Variants in TLN2 observed in about 807,000 individuals in gnomAD.
TLN2 encodes the protein talin 2.
Under a neutral mutation model 294.7 loss-of-function variants are expected in TLN2, and 118 were observed. The ratio of observed to expected loss-of-function variants is 0.40; its 90% confidence interval spans 0.34 to 0.47. The LOEUF (loss-of-function observed/expected upper bound fraction) is 0.47. Ranked by LOEUF, TLN2 falls within the 20% of genes least tolerant of loss-of-function variation. The pLI, the probability that TLN2 is intolerant of heterozygous loss-of-function variation, is 0.84. For missense variants in TLN2, 3,083 were observed against 3,282.2 expected, an observed-to-expected ratio of 0.94 and a Z score of 1.48; for synonymous variants, 1,431 against 1,304.5, an observed-to-expected ratio of 1.10 and a Z score of -2.09.
At chr15:62,682,842 C>T (rs8038849) in intron 11 of TLN2, 142,945 of 152,096 alleles carry the variant, frequency 0.94, 67,718 homozygotes, top group Non-Finnish European at 1. Context: ...CCTTTGAAAA[C>T]TTTTTGCAGA....
At chr15:62,758,382 T>C (rs1036148269) in intron 37 of TLN2, among the ~76,000 whole-genome samples, 2 of 152,200 alleles carry the variant, frequency 1.3e-5, no homozygotes, top group Admixed American at 6.5e-5. Context: ...TCTCTCCGAG[T>C]CACCACATAC....
At chr15:62,508,739 G>C (rs1293575119) in intron 1 of TLN2, among the ~76,000 whole-genome samples, 1 of 152,140 alleles carries the variant, frequency 6.6e-6, no homozygotes, top group Non-Finnish European at 1.5e-5. Context: ...GCCAAACTTT[G>C]AGTTGAATTT....
At chr15:62,826,297 A>C (rs753072431) in intron 54 of TLN2, among the ~76,000 whole-genome samples, 4 of 152,206 alleles carry the variant, frequency 2.6e-5, no homozygotes, top group Non-Finnish European at 5.9e-5. Flanking sequence ...ATACTATGGG[A>C]AAACTACTCC....
chr15:62,600,246 A>G (rs1048913387), intron 2 of TLN2, among the ~76,000 whole-genome samples: 16 of 152,328 alleles, frequency 1.1e-4, no homozygotes, highest in African/African-American at 3.6e-4. Flanking sequence ...TTGTGCAGCG[A>G]CTTGGGCTCT....
At chr15:62,647,547 G>A (rs2052029788) in intron 4 of TLN2, 101 bp downstream of exon 4, 1 of 1,489,530 alleles carries the variant, frequency 6.7e-7, no homozygotes, top group Non-Finnish European at 9.2e-7. Context: ...AAGCCTATTA[G>A]TGCATATGTT....
rs185827675 is a variant in TLN2, at chr15:62,732,801, G to A, written c.3359-4077G>A. On this transcript the variant is annotated intron_variant, in intron 28 of 58. Transcript: ENST00000636159. ...TAACATGAACGGTTCCAAGTGTTTG[G>A]CCTTATAGCTGAGTGAAGAGTTGTA... 3.9e-5 allele frequency among the ~76,000 whole-genome samples: 6 copies of A among 152,298 alleles called. No individual in the cohort carries two copies. In the East Asian group the frequency reaches 1.2e-3, roughly 29 times the overall value.
In TLN2 at chr15:62,433,791, C is replaced by T. The variant is rs373752928; in HGVS notation, c.-238+43106C>T. 3.3e-5 allele frequency among the ~76,000 whole-genome samples: 5 copies of T among 152,194 alleles called. No individual in the cohort carries two copies. In the East Asian group the frequency reaches 9.7e-4, roughly 29 times the overall value. On this transcript the variant is annotated intron_variant, in intron 1 of 58. Coordinates refer to ENST00000636159, the MANE Select transcript of TLN2 (RefSeq NM_015059.3). ...ATCACTTGAGATCAGGAGTTCAAGA[C>T]CAGCCTGGCCAACGTGGTGAAACCC... is the stretch of plus-strand genomic sequence containing the variant.
chr15:62,568,376 C>T (rs1281231893), intron 1 of TLN2, among the ~76,000 whole-genome samples: 8 of 152,182 alleles, frequency 5.3e-5, no homozygotes. Flanking sequence ...TCATTTTCTT[C>T]AGGAGGGTGC....
chr15:62,448,230 C>T (rs956485252), intron 1 of TLN2, among the ~76,000 whole-genome samples: 1 of 152,234 alleles, frequency 6.6e-6, no homozygotes, highest in African/African-American at 2.4e-5. Context: ...CTATCCGCTG[C>T]AGTCCACAGC....
intron 1 of TLN2, among the ~76,000 whole-genome samples, chr15:62,569,747 G>A (rs879925874): frequency 9.2e-5 from 14 of 152,222 alleles, no homozygotes; most frequent in Non-Finnish European, 1.9e-4. Flanking sequence ...TGATCGTGTA[G>A]GATAGGCACG....
At position 62,643,925 on chromosome 15, in the gene TLN2, A is replaced by G. The variant is rs906441568; in HGVS notation, c.-36-3350A>G. ...CTGTCCTGGGACTGTCTCTAGGACT[A>G]TAATAAGGTGGAAACCATGTCTATG... On this transcript the variant is annotated intron_variant, in intron 3 of 58. Transcript: ENST00000636159. Among the ~76,000 whole-genome samples the G allele has an allele frequency of 7.9e-5, 12 of 152,264 alleles. No individual in the cohort carries two copies. In the East Asian group the frequency reaches 1.9e-3, roughly 25 times the overall value.
At chr15:62,497,200 G>A (rs1053685082) in intron 1 of TLN2, among the ~76,000 whole-genome samples, 1 of 152,188 alleles carries the variant, frequency 6.6e-6, no homozygotes, top group Non-Finnish European at 1.5e-5. Context: ...TTCGCTGAGG[G>A]AGTGGATGAA....
chr15:62,594,621 T>G (rs531441199), intron 2 of TLN2, among the ~76,000 whole-genome samples: 1 of 152,198 alleles, frequency 6.6e-6, no homozygotes, highest in South Asian at 2.1e-4. Flanking sequence ...AAAAATGAAA[T>G]TAGACCATAT....
At chr15:62,816,334 T>G (rs7175349) in intron 52 of TLN2, among the ~76,000 whole-genome samples, 14,613 of 152,308 alleles carry the variant, frequency 0.096, 2,267 homozygotes, top group African/African-American at 0.33. Flanking sequence ...CCTCTGCAAC[T>G]ATCACAGTTC....
rs933032025 is a variant in TLN2, at chr15:62,761,613, G to A, written c.4639-68G>A. 11 of 1,600,972 alleles carry A rather than the reference G, an allele frequency of 6.9e-6. No individual in the cohort carries two copies. The Admixed American group carries it at 1.5e-4, about 22-fold the overall frequency. On this transcript the variant is annotated intron_variant, in intron 37 of 58. Transcript: ENST00000636159. ...GAACCACCTTCTTTCACTAAGAGGT[G>A]ATTACTGTGGTTCAGAAATAATTTG... is the stretch of plus-strand genomic sequence containing the variant.
At chr15:62,681,401 T>G (rs1164459160) in intron 11 of TLN2, among the ~76,000 whole-genome samples, 1 of 152,232 alleles carries the variant, frequency 6.6e-6, no homozygotes, top group Non-Finnish European at 1.5e-5. Context: ...TGAACACACC[T>G]ACTCAAACCC....
At chr15:62,625,271 T>G (rs1385169996) in intron 3 of TLN2, among the ~76,000 whole-genome samples, 1 of 152,096 alleles carries the variant, frequency 6.6e-6, no homozygotes, top group Non-Finnish European at 1.5e-5. Context: ...AATGAACCCT[T>G]TAGGAAAGCT....
At chr15:62,769,741 C>G (rs748131590) in intron 41 of TLN2, among the ~76,000 whole-genome samples, 7 of 151,788 alleles carry the variant, frequency 4.6e-5, no homozygotes, top group Non-Finnish European at 4.4e-5. Context: ...AACACTCATT[C>G]TTCTAACATG....
intron 1 of TLN2, among the ~76,000 whole-genome samples, chr15:62,411,886 G>A (rs1286172201): frequency 6.6e-6 from 1 of 152,192 alleles, no homozygotes; most frequent in Non-Finnish European, 1.5e-5. Flanking sequence ...CACGGGTTGT[G>A]TGGGAACTTT....
Sources: gnomAD v4.1 joint callset for allele counts (sites outside exome capture counted in the v4.1 genomes callset) on GRCh38, gnomAD v4.1.1 for gene constraint, MANE v1.5 for transcripts, NCBI Gene and HGNC (gene_info 2026-07-23, HGNC 2026-07-21) for gene names.